Variants in KDM4C observed in about 807,000 individuals in gnomAD.
KDM4C encodes the protein lysine demethylase 4C.
Under a neutral mutation model 129.3 loss-of-function variants are expected in KDM4C, and 81 were observed. The observed-to-expected ratio is 0.63, with a 90% CI of 0.52 to 0.75. The LOEUF (loss-of-function observed/expected upper bound fraction) is 0.75, where lower values mean the gene tolerates loss of function less well. KDM4C is among the 30% of genes least tolerant of loss of function. The pLI is 0.00. For missense variants in KDM4C, 1,457 were observed against 1,304.0 expected (o/e 1.12, Z -1.81); for synonymous variants, 573 against 456.1 (o/e 1.26, Z -3.26).
intron 1 of KDM4C, among the ~76,000 whole-genome samples, chr9:6,729,204 CAAAAAAAAAA>C (rs1186478804): frequency 6.2e-5 from 2 of 32,110 alleles, no homozygotes; most frequent in African/African-American, 4.2e-4. Context: ...GCTCCGTCTC[CAAAAAAAAAA>C]AAAAAAAAAA....
rs1205162698 is a variant in KDM4C, at chr9:7,175,269, C to G, written c.*540C>G. 2 of 152,886 alleles carry G rather than the reference C, an allele frequency of 1.3e-5. No homozygotes were observed. Among genetic ancestry groups the G allele is most frequent in the South Asian group, 2.1e-4 (1 of 4,846 alleles). The allele number at this position is 152,886 out of a possible 1,614,324, so 9.5% of individuals were successfully genotyped here. A position where few individuals can be genotyped will look rare whatever the true frequency, so the allele number is the denominator to read the frequency against. On this transcript the variant is annotated 3_prime_UTR_variant, in exon 22 of 22. Transcript: ENST00000381309. The stretch of plus-strand genomic sequence containing the variant: ...CTAATGAGATTTACCCGTGTGCTAT[C>G]TGTATTTCCCTTGTACAGAACTTTT...
At chr9:7,169,122 G>T (rs534288192) in intron 20 of KDM4C, among the ~76,000 whole-genome samples, 9 of 148,434 alleles carry the variant, frequency 6.1e-5, no homozygotes, top group Non-Finnish European at 1.2e-4. Context: ...TTGTTACGTT[G>T]TCAGAGCCTC....
Position 6,758,140 on chromosome 9 carries a change from C to A in KDM4C, c.-81C>A. On this transcript the variant is annotated 5_prime_UTR_variant, in exon 1 of 22. Coordinates refer to ENST00000381309, the MANE Select transcript of KDM4C (RefSeq NM_015061.6). This position sits in a 1 kb window ranked among gnomAD's most constrained non-coding sequence, Gnocchi z 4.6. The stretch of plus-strand genomic sequence containing the variant: ...CCAAATTTCCCAAATCTCCCTGGGC[C>A]GGAGGCCACTGTCTTCTCTTCCTCC... The A allele has an allele frequency of 1.0e-6, 1 of 985,648 alleles. No individual in the cohort carries two copies. The highest frequency in any genetic ancestry group is 1.2e-6 in the Non-Finnish European group (1 of 830,128). 61.1% of individuals were successfully genotyped at this position (985,648 alleles called of 1,614,324 possible). A position where few individuals can be genotyped will look rare whatever the true frequency, so the allele number is the denominator to read the frequency against.
chr9:6,949,931 G>T (rs984451424), intron 8 of KDM4C, among the ~76,000 whole-genome samples: 12 of 152,076 alleles, frequency 7.9e-5, no homozygotes, highest in African/African-American at 2.9e-4. Flanking sequence ...GGATTTTTGA[G>T]ATCCCTGCAT....
At chr9:7,064,742 C>G (rs951272194) in intron 17 of KDM4C, among the ~76,000 whole-genome samples, 1 of 152,118 alleles carries the variant, frequency 6.6e-6, no homozygotes. Flanking sequence ...TAGAATCTTA[C>G]TGCTCCTAGG....
chr9:6,914,950 A>G (rs1373802446), intron 8 of KDM4C, among the ~76,000 whole-genome samples: 1 of 152,236 alleles, frequency 6.6e-6, no homozygotes, highest in Non-Finnish European at 1.5e-5. Context: ...GCCCAAATGT[A>G]CTAAGACAGA....
At chr9:6,748,706 G>A (rs773751589) in intron 1 of KDM4C, 3 of 1,446,976 alleles carry the variant, frequency 2.1e-6, no homozygotes, top group Non-Finnish European at 2.9e-6. Flanking sequence ...ATCATTTCTA[G>A]TTGGAGACAC....
intron 15 of KDM4C, among the ~76,000 whole-genome samples, chr9:7,041,293 A>G (rs1250683748): frequency 6.6e-6 from 1 of 152,042 alleles, no homozygotes; most frequent in East Asian, 1.9e-4. Context: ...GATGATTTAA[A>G]GTATACAGGA....
intron 1 of KDM4C, among the ~76,000 whole-genome samples, chr9:6,723,369 C>G (rs1817020172): frequency 6.7e-6 from 1 of 150,324 alleles, no homozygotes; most frequent in African/African-American, 2.4e-5. Context: ...GAGCAAAACT[C>G]TGTCTCAAAA....
intron 15 of KDM4C, among the ~76,000 whole-genome samples, chr9:7,021,554 A>G (rs1233799660): frequency 6.6e-6 from 1 of 152,086 alleles, no homozygotes; most frequent in African/African-American, 2.4e-5. Flanking sequence ...TTTATATTCT[A>G]GTTATTACTC....
intron 17 of KDM4C, among the ~76,000 whole-genome samples, chr9:7,081,456 G>A (rs1299937665): frequency 6.6e-6 from 1 of 152,152 alleles, no homozygotes; most frequent in Admixed American, 6.5e-5. Flanking sequence ...CAAACTCACC[G>A]TGTGTGAGGA....
At chr9:6,964,976 C>T (rs562786349) in intron 8 of KDM4C, among the ~76,000 whole-genome samples, 32 of 151,546 alleles carry the variant, frequency 2.1e-4, no homozygotes, top group East Asian at 5.8e-4. Flanking sequence ...GCAAAGTGAA[C>T]GTATGCCTAG....
chr9:6,777,383 A>C (rs987003957), intron 1 of KDM4C, among the ~76,000 whole-genome samples: 1 of 152,154 alleles, frequency 6.6e-6, no homozygotes, highest in African/African-American at 2.4e-5. Flanking sequence ...TTAAGTACTT[A>C]AATGTTAGCT....
chr9:6,932,417 C>G (rs1823921401), intron 8 of KDM4C, among the ~76,000 whole-genome samples: 1 of 152,114 alleles, frequency 6.6e-6, no homozygotes, highest in African/African-American at 2.4e-5. Context: ...ATGCCCCCTC[C>G]CACCTTGTTG....
chr9:7,068,546 A>G (rs1832747012), intron 17 of KDM4C, among the ~76,000 whole-genome samples: 1 of 152,146 alleles, frequency 6.6e-6, no homozygotes, highest in Non-Finnish European at 1.5e-5. Flanking sequence ...TTATTTCAGA[A>G]CGTGCCAGCT....
rs764755164 is a variant in KDM4C, at chr9:7,080,513, G to A, written c.2425-23172G>A. 2.0e-4 allele frequency among the ~76,000 whole-genome samples: 30 copies of A among 152,264 alleles called. 1 individual carries two copies. Among genetic ancestry groups the A allele is most frequent in the Non-Finnish European group, 4.3e-4 (29 of 68,016 alleles). ...AATTCAGAAGTGAAATGCTTGATAT[G>A]GGAATGTGTATTAATACAATTTATT... On this transcript the variant is annotated intron_variant, in intron 17 of 21. Coordinates refer to ENST00000381309, the MANE Select transcript of KDM4C (RefSeq NM_015061.6).
chr9:7,084,733 T>G (rs1834917937), intron 17 of KDM4C, among the ~76,000 whole-genome samples: 1 of 152,196 alleles, frequency 6.6e-6, no homozygotes, highest in African/African-American at 2.4e-5. Flanking sequence ...TGTAATACCC[T>G]CAAAGCAATA....
intron 15 of KDM4C, among the ~76,000 whole-genome samples, chr9:7,026,514 T>G (rs1825844811): frequency 6.6e-6 from 1 of 152,102 alleles, no homozygotes. Context: ...TTTAGGATCC[T>G]TTTTTTCCCC....
chr9:6,925,530 A>C, intron 8 of KDM4C: 1 of 917,254 alleles, frequency 1.1e-6, no homozygotes, highest in Non-Finnish European at 1.3e-6. Context: ...TCCTGGCATC[A>C]AGCAGTCCTC....
Sources: allele counts gnomAD v4.1 joint callset (sites outside exome capture counted in the v4.1 genomes callset), GRCh38; gene constraint gnomAD v4.1.1; non-coding constraint Gnocchi (gnomAD v3.1); transcripts MANE v1.5; gene names NCBI Gene and HGNC (gene_info 2026-07-23, HGNC 2026-07-21).